Variants in AK8 observed in about 807,000 individuals in gnomAD.
The protein encoded by AK8 is ATP-AMP transphosphorylase 8.
Under a neutral mutation model 54.6 loss-of-function variants are expected in AK8, and 44 were observed. The ratio of observed to expected loss-of-function variants is 0.81; its 90% CI spans 0.63 to 1.04. The LOEUF is 1.04. AK8 is among the 50% of genes least tolerant of loss of function. AK8 has a pLI of 0.00. For synonymous variants in AK8, 239 were observed against 245.6 expected, an observed-to-expected ratio of 0.97 and a Z score of 0.25; for missense variants, 555 against 613.6, an observed-to-expected ratio of 0.90 and a Z score of 1.01.
At chr9:132,844,914 G>A (rs1371256150) in intron 5 of AK8, among the ~76,000 whole-genome samples, 1 of 152,206 alleles carries the variant, frequency 6.6e-6, no homozygotes, top group East Asian at 1.9e-4. Flanking sequence ...GTGGCCAATA[G>A]TACAACACTG....
At chr9:132,765,519 C>T (rs1838691562) in intron 11 of AK8, among the ~76,000 whole-genome samples, 1 of 151,972 alleles carries the variant, frequency 6.6e-6, no homozygotes, top group African/African-American at 2.4e-5. Context: ...GTGGTGCACA[C>T]CTGTAGCCCC....
chr9:132,752,144 G>C (rs1475992313), intron 11 of AK8, among the ~76,000 whole-genome samples: 1 of 49,050 alleles, frequency 2.0e-5, no homozygotes, highest in East Asian at 6.4e-4. Context: ...GCCCAGCCAA[G>C]ACCTGTTTAG....
At chr9:132,833,936 C>T (rs1305465699) in intron 5 of AK8, among the ~76,000 whole-genome samples, 1 of 152,250 alleles carries the variant, frequency 6.6e-6, no homozygotes, top group Non-Finnish European at 1.5e-5. Context: ...TTCCGCTCCT[C>T]CCCTCTCCTC....
intron 7 of AK8, 31 bp downstream of exon 7, chr9:132,827,982 T>C (rs933545217): frequency 1.9e-6 from 3 of 1,550,508 alleles, no homozygotes; most frequent in Middle Eastern, 1.7e-4. Flanking sequence ...TGAAACCCCA[T>C]GGGGCTGGGT....
chr9:132,849,870 C>T (rs749108096), intron 5 of AK8, among the ~76,000 whole-genome samples: 2 of 151,770 alleles, frequency 1.3e-5, no homozygotes, highest in Non-Finnish European at 2.9e-5. Context: ...CTCAGCCTCC[C>T]GAGTAGCTGC....
chr9:132,866,903 C>T lies in AK8; in HGVS notation c.219+1G>A. On this transcript the variant is annotated splice_donor_variant, in intron 3 of 12. Coordinates refer to ENST00000298545, the MANE Select transcript of AK8 (RefSeq NM_152572.3). LOFTEE classifies it high-confidence loss of function. The stretch of plus-strand genomic sequence containing the variant: ...CACAACACTTAATATGATACACTTA[C>T]TATTGTTGTTTTCCCTGAGGCGGGT... 1 of 1,613,694 alleles carries T rather than the reference C, an allele frequency of 6.2e-7. No homozygotes were observed. The highest frequency in any genetic ancestry group is 1.1e-5 in the South Asian group (1 of 91,060).
chr9:132,801,209 T>G (rs1309875408), intron 10 of AK8, among the ~76,000 whole-genome samples: 1 of 152,198 alleles, frequency 6.6e-6, no homozygotes, highest in East Asian at 1.9e-4. Context: ...ATTATAGGCA[T>G]GAGCCACCAC....
rs1234100575 is a variant in AK8 at position 132,859,648 on chromosome 9, G to A, written c.333+4017C>T. Among the ~76,000 whole-genome samples the A allele has an allele frequency of 3.0e-5, 3 of 100,816 alleles. No individual in the cohort carries two copies. The Admixed American group carries it at 3.1e-4, about 11-fold the overall frequency. 66.1% of individuals were successfully genotyped at this position (100,816 alleles called of 152,430 possible). On this transcript the variant is annotated intron_variant, in intron 4 of 12. Coordinates refer to ENST00000298545, the MANE Select transcript of AK8 (RefSeq NM_152572.3). ...CCCTACCCTGTCCCCCTCCTTCCCC[G>A]TCTCCTCCCCCTCCTCGACCCGGGT...
At chr9:132,849,111 T>C (rs561151542) in intron 5 of AK8, among the ~76,000 whole-genome samples, 1 of 152,184 alleles carries the variant, frequency 6.6e-6, no homozygotes, top group Admixed American at 6.5e-5. Context: ...GGTTTCACCA[T>C]GTTAGCCAGG....
intron 3 of AK8, among the ~76,000 whole-genome samples, chr9:132,865,452 C>A (rs367937832): frequency 6.6e-6 from 1 of 152,218 alleles, no homozygotes; most frequent in South Asian, 2.1e-4. Flanking sequence ...CGCTGATGTT[C>A]ACCAATCAGG....
In AK8 at chr9:132,803,060, T is replaced by A. The variant is rs779516569; in HGVS notation, c.980-10285A>T. 4.6e-5 allele frequency among the ~76,000 whole-genome samples: 7 copies of A among 152,160 alleles called. No individual in the cohort carries two copies. The highest frequency in any genetic ancestry group is 7.2e-5 in the African/African-American group (3 of 41,438). On this transcript the variant is annotated intron_variant, in intron 10 of 12. Coordinates refer to ENST00000298545, the MANE Select transcript of AK8 (RefSeq NM_152572.3). The surrounding 1 kb of genome is among the most constrained non-coding windows in gnomAD (Gnocchi z 4.4). Reference sequence around the variant, plus strand: ...GGAAGCAAACACGTCCTTCTTCACATAGCGGCAGCCAGGAGAGGTGCAGAG... The same window carrying A: ...GGAAGCAAACACGTCCTTCTTCACAAAGCGGCAGCCAGGAGAGGTGCAGAG...
chr9:132,732,324 T>C (rs572556702), intron 11 of AK8, among the ~76,000 whole-genome samples: 1 of 152,240 alleles, frequency 6.6e-6, no homozygotes, highest in East Asian at 1.9e-4. Flanking sequence ...GATTATGGCA[T>C]TCAGGATTGT....
At chr9:132,876,338 G>A (rs1300457847) in intron 1 of AK8, among the ~76,000 whole-genome samples, 3 of 151,444 alleles carry the variant, frequency 2.0e-5, no homozygotes, top group Admixed American at 6.6e-5. Context: ...TGTATTTAAC[G>A]TGTATTAGAA....
At chr9:132,772,858 C>G (rs1429129695) in intron 11 of AK8, among the ~76,000 whole-genome samples, 2 of 152,184 alleles carry the variant, frequency 1.3e-5, no homozygotes, top group East Asian at 3.9e-4. Flanking sequence ...CAAAAGACTT[C>G]TCACCACCTC....
At chr9:132,830,677 C>T (rs1049799521) in intron 5 of AK8, among the ~76,000 whole-genome samples, 2 of 152,186 alleles carry the variant, frequency 1.3e-5, no homozygotes, top group Non-Finnish European at 2.9e-5. Flanking sequence ...TTGGCAAACA[C>T]TACCACAAAC....
intron 11 of AK8, among the ~76,000 whole-genome samples, chr9:132,738,344 C>A (rs1409625853): frequency 1.3e-5 from 2 of 152,118 alleles, no homozygotes; most frequent in South Asian, 4.1e-4. Flanking sequence ...TGAGCCACCG[C>A]ACCTGGCCTA....
intron 11 of AK8, among the ~76,000 whole-genome samples, chr9:132,768,143 C>T (rs575215678): frequency 3.9e-5 from 6 of 152,252 alleles, no homozygotes; most frequent in South Asian, 2.1e-4. Flanking sequence ...TTTAAGGTGA[C>T]GGACATCTTA....
intron 11 of AK8, among the ~76,000 whole-genome samples, chr9:132,729,641 T>G (rs1836740782): frequency 6.6e-6 from 1 of 152,206 alleles, no homozygotes. Context: ...CAGCAGGAAG[T>G]TCCAGTGTTT....
Position 132,814,646 on chromosome 9 carries a change from T to C in AK8, c.971A>G (p.Glu324Gly), listed in dbSNP as rs1841234176. 1 of 1,613,916 alleles carries C rather than the reference T, an allele frequency of 6.2e-7. No homozygotes were observed. The highest frequency in any genetic ancestry group is 1.3e-5 in the African/African-American group (1 of 74,906). ...GTGGGAACGTGGCCTACCTGCCATC[T>C]CCTTTTCAAAGAAGGGCTGGATGAG... is the stretch of plus-strand genomic sequence containing the variant. ...GELIQPFFEK[E>G]MAVPDSLLMK... Residue 324 changes from glutamate to glycine, a missense_variant, in exon 10 of 13, where the codon GAG (glutamate) becomes GGG (glycine). Glu to Gly is a moderately conservative substitution (Grantham distance 98). Transcript: ENST00000298545.
Sources: gnomAD v4.1 joint callset for allele counts (sites outside exome capture counted in the v4.1 genomes callset) on GRCh38, gnomAD v4.1.1 for gene constraint, Gnocchi (gnomAD v3.1) non-coding constraint, MANE v1.5 for transcripts, NCBI Gene and HGNC (gene_info 2026-07-23, HGNC 2026-07-21) for gene names.